The following N4BP2L2 variants were observed in gnomAD, a reference collection of about 807,000 sequenced individuals.
N4BP2L2 encodes NEDD4 binding protein 2 like 2.
In N4BP2L2, 50 loss-of-function variants were observed where a neutral mutation model predicts 56.2. The observed-to-expected ratio is 0.89, with a 90% CI of 0.71 to 1.13. N4BP2L2 has a LOEUF of 1.13. Ranked by LOEUF, N4BP2L2 falls within the 50% of genes most tolerant of loss-of-function variation. N4BP2L2 has a pLI of 0.00. For synonymous variants in N4BP2L2, 203 were observed against 223.6 expected (o/e 0.91, Z 0.82); for missense variants, 689 against 693.8 (o/e 0.99, Z 0.08).
exon 6 of N4BP2L2, chr13:32,517,527 AAAAACATCC>A: frequency 8.8e-7 from 1 of 1,140,716 alleles, no homozygotes; most frequent in Non-Finnish European, 1.1e-6. Context: ...TCGATTGTAG[AAAAACATCC>A]TAGCTCCTAC....
intron 1 of N4BP2L2, among the ~76,000 whole-genome samples, chr13:32,537,746 CT>C (rs558801820): frequency 1.3e-5 from 2 of 152,312 alleles, no homozygotes; most frequent in Non-Finnish European, 2.9e-5. Context: ...AAGCGTTCAT[CT>C]TTTCCGAATA....
chr13:32,531,736 A>G (rs371794978), intron 2 of N4BP2L2, among the ~76,000 whole-genome samples: 4 of 152,340 alleles, frequency 2.6e-5, no homozygotes, highest in African/African-American at 9.6e-5. Context: ...CGGTAAGTAT[A>G]TTCATTTCTG....
chr13:32,477,737 C>A, intron 6 of N4BP2L2: 1 of 525,466 alleles, frequency 1.9e-6, no homozygotes, highest in Non-Finnish European at 3.0e-6. Flanking sequence ...TTAGATGGAA[C>A]CTTGAGCCTA....
intron 6 of N4BP2L2, among the ~76,000 whole-genome samples, chr13:32,482,239 GTTGTT>G (rs1345748195): frequency 6.6e-6 from 1 of 152,160 alleles, no homozygotes; most frequent in Non-Finnish European, 1.5e-5. Context: ...ACTAGGTTTA[GTTGTT>G]TTATCAGGTT....
chr13:32,536,248 T>C (rs2056524402), exon 2 of N4BP2L2: 3 of 1,613,662 alleles, frequency 1.9e-6, no homozygotes, highest in South Asian at 2.2e-5. Flanking sequence ...AAGAAGTAAA[T>C]GAAGTGTCAC....
At chr13:32,525,610 A>C (rs1459019787) in intron 3 of N4BP2L2, 1 of 152,222 alleles carries the variant, frequency 6.6e-6, no homozygotes, top group Non-Finnish European at 1.5e-5. Flanking sequence ...TCGAGGCTGC[A>C]CTGAGCTATG....
At chr13:32,513,608 GCTC>G (rs2048587909) in exon 6 of N4BP2L2, 2 of 152,074 alleles carry the variant, frequency 1.3e-5, no homozygotes, top group Non-Finnish European at 2.9e-5. Context: ...ATAAATTGTA[GCTC>G]CTAAAACTTA....
exon 5 of N4BP2L2, chr13:32,521,446 T>C (rs1240654609): frequency 8.7e-6 from 14 of 1,602,386 alleles, no homozygotes; most frequent in South Asian, 1.1e-5. Flanking sequence ...CCTTTTCCTA[T>C]GGCCTACACA....
chr13:32,503,974 A>G (rs1022741500), intron 6 of N4BP2L2, among the ~76,000 whole-genome samples: 5 of 152,196 alleles, frequency 3.3e-5, no homozygotes, highest in African/African-American at 1.2e-4. Flanking sequence ...CTAGCCTGGC[A>G]GCCTGGGTGA....
intron 6 of N4BP2L2, chr13:32,478,289 G>T (rs74047032): frequency 0.012 from 3,226 of 264,126 alleles, 86 homozygotes; most frequent in African/African-American, 0.066. Context: ...TGAATTTAAT[G>T]ACCCCAAATT....
rs1566018687 is a variant in N4BP2L2 at position 32,442,595 on chromosome 13, A to ATG, written c.1896_1897insCA (p.Ser633HisfsTer14). Reference sequence around the variant, plus strand: ...TCAGAAGTGACTCCCAAAGAGCACGAAGTATCAGGATGACTATGTAAAATT... The same window carrying ATG: ...TCAGAAGTGACTCCCAAAGAGCACGATGAGTATCAGGATGACTATGTAAAATT... On this transcript the variant is annotated frameshift_variant, in exon 7 of 10. Transcript: ENST00000357505. LOFTEE classifies it high-confidence loss of function. 1 of 1,613,982 alleles carries ATG rather than the reference A, an allele frequency of 6.2e-7. No individual in the cohort carries two copies. The highest frequency in any genetic ancestry group is 8.5e-7 in the Non-Finnish European group (1 of 1,179,866).
At chr13:32,513,842 G>A (rs1234758630) in exon 6 of N4BP2L2, 1 of 152,048 alleles carries the variant, frequency 6.6e-6, no homozygotes, top group Admixed American at 6.5e-5. Flanking sequence ...ATAAAGACTA[G>A]CAAGCCTATC....
chr13:32,496,808 C>G (rs756871156), intron 6 of N4BP2L2, among the ~76,000 whole-genome samples: 6 of 152,232 alleles, frequency 3.9e-5, no homozygotes, highest in Non-Finnish European at 8.8e-5. Flanking sequence ...TCCCCACCCA[C>G]AGCTCCAGCT....
At chr13:32,537,827 C>G (rs1193486613) in intron 1 of N4BP2L2, among the ~76,000 whole-genome samples, 2 of 152,168 alleles carry the variant, frequency 1.3e-5, no homozygotes, top group East Asian at 3.9e-4. Flanking sequence ...AATCCCAGCA[C>G]TTGGGAGGCT....
chr13:32,471,700 C>T (rs2082325350), intron 6 of N4BP2L2, among the ~76,000 whole-genome samples: 1 of 152,184 alleles, frequency 6.6e-6, no homozygotes, highest in Non-Finnish European at 1.5e-5. Flanking sequence ...AGCTGACAGC[C>T]AAGATAAAAG....
At chr13:32,488,117 C>A (rs904994642) in intron 6 of N4BP2L2, among the ~76,000 whole-genome samples, 2 of 152,160 alleles carry the variant, frequency 1.3e-5, no homozygotes, top group Admixed American at 6.5e-5. Flanking sequence ...TAGGCTTAAA[C>A]CCAAGTTTCT....
intron 6 of N4BP2L2, among the ~76,000 whole-genome samples, chr13:32,458,256 G>A (rs113159062): frequency 0.058 from 8,769 of 152,144 alleles, 853 homozygotes; most frequent in African/African-American, 0.2. Flanking sequence ...TAGTAGAGAC[G>A]GGGTTTCACC....
At chr13:32,491,568 A>G in intron 6 of N4BP2L2, among the ~76,000 whole-genome samples, 1 of 147,564 alleles carries the variant, frequency 6.8e-6, no homozygotes, top group East Asian at 1.9e-4. Flanking sequence ...TATACTATAT[A>G]TAAACTATAT....
intron 7 of N4BP2L2, among the ~76,000 whole-genome samples, chr13:32,439,352 T>A (rs77957246): frequency 6.6e-6 from 1 of 152,184 alleles, no homozygotes; most frequent in African/African-American, 2.4e-5. Flanking sequence ...AAAAGCTTTC[T>A]GAAGTTTAAT....
Sources: allele counts gnomAD v4.1 joint callset (sites outside exome capture counted in the v4.1 genomes callset), GRCh38; gene constraint gnomAD v4.1.1; transcripts MANE v1.5; gene names NCBI Gene and HGNC (gene_info 2026-07-23, HGNC 2026-07-21).